The following TRPV3 variants were observed in gnomAD, a reference collection of about 807,000 sequenced individuals.
The protein encoded by TRPV3 is VRL-3.
Under a neutral mutation model 87.1 loss-of-function variants are expected in TRPV3, and 88 were observed. That is an observed-to-expected ratio of 1.01 (90% CI 0.85 to 1.21). The LOEUF (loss-of-function observed/expected upper bound fraction) is 1.21, where lower values mean the gene tolerates loss of function less well. TRPV3 is among the 50% of genes most tolerant of loss of function. The pLI, the probability that TRPV3 is intolerant of heterozygous loss-of-function variation, is 0.00. For missense variants in TRPV3, 1,054 were observed against 1,030.1 expected, an observed-to-expected ratio of 1.02 and a Z score of -0.32; for synonymous variants, 438 against 423.3, an observed-to-expected ratio of 1.03 and a Z score of -0.43.
At chr17:3,516,225 G>A (rs1042041219) in intron 16 of TRPV3, among the ~76,000 whole-genome samples, 1 of 151,892 alleles carries the variant, frequency 6.6e-6, no homozygotes, top group Non-Finnish European at 1.5e-5. Flanking sequence ...GCAGAGAGGG[G>A]AGCCGCTGTT....
intron 2 of TRPV3, among the ~76,000 whole-genome samples, chr17:3,545,504 G>C (rs1218817519): frequency 6.6e-6 from 1 of 152,178 alleles, no homozygotes; most frequent in Non-Finnish European, 1.5e-5. Context: ...TGAAACTAAA[G>C]AAAAGGACTG....
chr17:3,528,495 G>A lies in TRPV3; in HGVS notation c.1401+342C>T, dbSNP rs2074320088. Among the ~76,000 whole-genome samples, 1 of 152,200 alleles carries A rather than the reference G, an allele frequency of 6.6e-6. No homozygotes were observed. The highest frequency in any genetic ancestry group is 6.5e-5 in the Admixed American group (1 of 15,282). On this transcript the variant is annotated intron_variant, in intron 10 of 17. Coordinates refer to ENST00000576742, the MANE Select transcript of TRPV3 (RefSeq NM_145068.4). The surrounding 1 kb of genome is among the most constrained non-coding windows in gnomAD (Gnocchi z 4.2). Reference sequence around the variant, plus strand: ...CGCATGGGAAACCGAAGCCCAGCAGGCAGGGAGAGCTTATCCTCCTCCCGT... The same window carrying A: ...CGCATGGGAAACCGAAGCCCAGCAGACAGGGAGAGCTTATCCTCCTCCCGT...
At chr17:3,555,409 T>C (rs2074617785) in intron 1 of TRPV3, among the ~76,000 whole-genome samples, 1 of 152,214 alleles carries the variant, frequency 6.6e-6, no homozygotes, top group Non-Finnish European at 1.5e-5. Context: ...CTTAAGCTCC[T>C]CAGGTGTTTT....
Position 3,516,570 on chromosome 17 carries a change from C to T in TRPV3, c.2086-1G>A. ...CAAACTCCAAGATGGTCCTGGCTCT[C>T]TGGGGACATAAGCAAGTCTAAGGAG... On this transcript the variant is annotated splice_acceptor_variant, in intron 15 of 17. Coordinates refer to ENST00000576742, the MANE Select transcript of TRPV3 (RefSeq NM_145068.4). LOFTEE classifies it high-confidence loss of function. The T allele has an allele frequency of 6.2e-7, 1 of 1,612,972 alleles. No homozygotes were observed. Among genetic ancestry groups the T allele is most frequent in the Non-Finnish European group, 8.5e-7 (1 of 1,178,916 alleles).
intron 14 of TRPV3, among the ~76,000 whole-genome samples, chr17:3,520,112 C>A (rs1322467149): frequency 1.3e-5 from 2 of 151,898 alleles, no homozygotes. Flanking sequence ...AATTGTGACC[C>A]AGAAAAGGTA....
intron 2 of TRPV3, among the ~76,000 whole-genome samples, chr17:3,545,904 T>G (rs662771): frequency 0.31 from 45,028 of 147,532 alleles, 7,414 homozygotes; most frequent in Middle Eastern, 0.4. Flanking sequence ...ACAGGAGAAT[T>G]GCTTGAACCT....
At chr17:3,552,654 A>C (rs1281084225) in intron 2 of TRPV3, 1 of 152,220 alleles carries the variant, frequency 6.6e-6, no homozygotes, top group African/African-American at 2.4e-5. Flanking sequence ...GGCTGGGCGG[A>C]GGAGGCTTTG....
Position 3,528,260 on chromosome 17 carries a change from A to G in TRPV3, c.1402-134T>C. Reference sequence around the variant, plus strand: ...CCAGCATGAAACCTGATCTCTGTACAGGGCAAGAGAAGGAAGAGCAGCTCC... The same window carrying G: ...CCAGCATGAAACCTGATCTCTGTACGGGGCAAGAGAAGGAAGAGCAGCTCC... On this transcript the variant is annotated intron_variant, in intron 10 of 17. Transcript: ENST00000576742. The surrounding 1 kb of genome is among the most constrained non-coding windows in gnomAD (Gnocchi z 4.2). 1.6e-6 allele frequency: 1 copy of G among 637,822 alleles called. No homozygotes were observed. Among genetic ancestry groups the G allele is most frequent in the Non-Finnish European group, 2.7e-6 (1 of 372,956 alleles). 39.5% of individuals were successfully genotyped at this position (637,822 alleles called of 1,614,324 possible). A position where few individuals can be genotyped will look rare whatever the true frequency, so the allele number is the denominator to read the frequency against.
At chr17:3,547,411 G>A (rs897192034) in intron 2 of TRPV3, among the ~76,000 whole-genome samples, 10 of 152,070 alleles carry the variant, frequency 6.6e-5, no homozygotes, top group Non-Finnish European at 1.0e-4. Context: ...ACTTGAGGTC[G>A]GGAGTTTGAG....
At chr17:3,553,190 C>G (rs1210948380) in intron 2 of TRPV3, 1 of 152,518 alleles carries the variant, frequency 6.6e-6, no homozygotes, top group East Asian at 1.9e-4. Flanking sequence ...TGGCACCTGT[C>G]TGTGCTGCCC....
intron 7 of TRPV3, among the ~76,000 whole-genome samples, chr17:3,534,063 G>C (rs1265280753): frequency 6.6e-6 from 1 of 152,070 alleles, no homozygotes; most frequent in African/African-American, 2.4e-5. Context: ...ACCAGCTCCG[G>C]ACACCAGGTC....
intron 2 of TRPV3, among the ~76,000 whole-genome samples, chr17:3,549,701 TGATGGATG>T (rs144321631): frequency 6.8e-5 from 10 of 147,856 alleles, no homozygotes; most frequent in Admixed American, 3.4e-4. Flanking sequence ...AGTGGATGGA[TGATGGATG>T]GATGGATGGA....
chr17:3,543,061 C>G (rs933970478), intron 5 of TRPV3, among the ~76,000 whole-genome samples: 32 of 151,986 alleles, frequency 2.1e-4, no homozygotes, highest in Admixed American at 9.8e-4. Flanking sequence ...CTGCACTGGT[C>G]CCCGAGACAC....
At chr17:3,546,733 T>A (rs1369185515) in intron 2 of TRPV3, 2 of 453,088 alleles carry the variant, frequency 4.4e-6, no homozygotes, top group Non-Finnish European at 8.8e-6. Flanking sequence ...ATCCCAGCCC[T>A]CTGGGAGGTC....
chr17:3,537,842 A>G (rs1327353459), intron 6 of TRPV3, among the ~76,000 whole-genome samples: 2 of 147,710 alleles, frequency 1.4e-5, no homozygotes, highest in Non-Finnish European at 3.0e-5. Context: ...GGAGGCAGAG[A>G]TCGCGCCACT....
chr17:3,537,579 T>C (rs981722399), intron 6 of TRPV3, among the ~76,000 whole-genome samples: 1 of 152,104 alleles, frequency 6.6e-6, no homozygotes, highest in African/African-American at 2.4e-5. Flanking sequence ...AGTGATAGGC[T>C]GGGGAAAATA....
chr17:3,533,568 G>C (rs1286235382), intron 7 of TRPV3, among the ~76,000 whole-genome samples: 1 of 148,182 alleles, frequency 6.7e-6, no homozygotes, highest in African/African-American at 2.5e-5. Context: ...GTGCGATCTC[G>C]CCTCACTGCA....
At chr17:3,548,623 C>T (rs1015892134) in intron 2 of TRPV3, among the ~76,000 whole-genome samples, 1 of 152,222 alleles carries the variant, frequency 6.6e-6, no homozygotes, top group Non-Finnish European at 1.5e-5. Flanking sequence ...AATGGGGATA[C>T]ATGGGGTGGA....
Position 3,530,313 on chromosome 17 carries a change from G to A in TRPV3, c.1066-110C>T. On this transcript the variant is annotated intron_variant, in intron 8 of 17. Coordinates refer to ENST00000576742, the MANE Select transcript of TRPV3 (RefSeq NM_145068.4). The surrounding 1 kb of genome is among the most constrained non-coding windows in gnomAD (Gnocchi z 4.0). ...CCAGGGGATACACCCGCCCAGAATG[G>A]GTGGAGACCTGCCTCTGCGCCTGGC... The A allele has an allele frequency of 9.2e-7, 1 of 1,091,854 alleles. No homozygotes were observed. The highest frequency in any genetic ancestry group is 1.3e-6 in the Non-Finnish European group (1 of 775,382). The allele number at this position is 1,091,854 out of a possible 1,614,324, so 67.6% of individuals were successfully genotyped here.
Sources: gnomAD v4.1 joint callset for allele counts (sites outside exome capture counted in the v4.1 genomes callset) on GRCh38, gnomAD v4.1.1 for gene constraint, Gnocchi (gnomAD v3.1) non-coding constraint, MANE v1.5 for transcripts, NCBI Gene and HGNC (gene_info 2026-07-23, HGNC 2026-07-21) for gene names.